SENP2: variants seen among roughly 807,000 people sequenced by gnomAD.
SENP2 encodes the protein sentrin-specific protease 2.
In SENP2, 16 loss-of-function variants were observed where a neutral mutation model predicts 86.3. The ratio of observed to expected loss-of-function variants is 0.19; its 90% CI spans 0.13 to 0.28. The LOEUF (loss-of-function observed/expected upper bound fraction) is 0.28. Ranked by LOEUF, SENP2 falls within the 10% of genes least tolerant of loss-of-function variation. SENP2 has a pLI of 1.00. For missense variants in SENP2, 552 were observed against 703.0 expected, an observed-to-expected ratio of 0.79 and a Z score of 2.43; for synonymous variants, 222 against 238.7, an observed-to-expected ratio of 0.93 and a Z score of 0.64.
In SENP2 at chr3:185,606,480, C is replaced by T; in HGVS notation, c.600C>T (p.Pro200=). 6.2e-7 allele frequency: 1 copy of T among 1,602,684 alleles called. No individual in the cohort carries two copies. Among genetic ancestry groups the T allele is most frequent in the Non-Finnish European group, 8.5e-7 (1 of 1,177,098 alleles). The part of the protein sequence containing the change: ...SEESGKGLRR[P]HCTVEEGVQK... ...AGAGTGGCAAGGGTCTGAGGCGTCCCCATTGTACTGTGGAGGAGGTAAGCC... is the reference window on the plus strand; with the variant it reads ...AGAGTGGCAAGGGTCTGAGGCGTCCTCATTGTACTGTGGAGGAGGTAAGCC... The change falls in exon 6 of 17, where the codon CCC becomes CCT. Residue 200 remains proline (P), a synonymous_variant. Coordinates refer to ENST00000296257, the MANE Select transcript of SENP2 (RefSeq NM_021627.3).
intron 9 of SENP2, 120 bp downstream of exon 9, chr3:185,612,778 T>C (rs1722738093): frequency 1.4e-6 from 1 of 709,622 alleles, no homozygotes. Flanking sequence ...TGGTAGTTGG[T>C]CAGCATATAG....
chr3:185,619,674 T>C (rs537220622), intron 13 of SENP2, among the ~76,000 whole-genome samples, 172 bp downstream of exon 13: 1 of 152,038 alleles, frequency 6.6e-6, no homozygotes, highest in South Asian at 2.1e-4. Context: ...CACCCAACCC[T>C]TTTAGTTCTT....
rs553312982 is a variant in SENP2, at chr3:185,607,042, T to C, written c.618+544T>C. Among the ~76,000 whole-genome samples the C allele has an allele frequency of 1.3e-3, 200 of 151,586 alleles. 1 individual carries two copies. Among genetic ancestry groups the C allele is most frequent in the African/African-American group, 4.8e-3 (198 of 41,408 alleles). ...TGTCACCCATGCTGGAGTGCAGTGGTGCCGTCTTGGCTCACTGCAACCTCT... is the reference window on the plus strand; with the variant it reads ...TGTCACCCATGCTGGAGTGCAGTGGCGCCGTCTTGGCTCACTGCAACCTCT... On this transcript the variant is annotated intron_variant, in intron 6 of 16. Coordinates refer to ENST00000296257, the MANE Select transcript of SENP2 (RefSeq NM_021627.3).
chr3:185,588,206 C>T (rs1234574306), intron 1 of SENP2, among the ~76,000 whole-genome samples: 2 of 151,388 alleles, frequency 1.3e-5, no homozygotes, highest in Admixed American at 6.6e-5. Context: ...TACAGGCGCC[C>T]GCCACCACGC....
At chr3:185,613,323 A>G (rs771052880) in intron 9 of SENP2, 22 bp from the exon 10 acceptor site, 3 of 1,391,610 alleles carry the variant, frequency 2.2e-6, no homozygotes, top group South Asian at 1.2e-5. Flanking sequence ...GAAGTCTATC[A>G]TCTCTCAATT....
chr3:185,603,191 C>T (rs1027346004), intron 5 of SENP2, among the ~76,000 whole-genome samples: 47 of 151,718 alleles, frequency 3.1e-4, no homozygotes, highest in African/African-American at 6.3e-4. Flanking sequence ...GAATTACAGG[C>T]GTGAGCCACC....
chr3:185,610,123 G>A (rs926424423), intron 7 of SENP2, among the ~76,000 whole-genome samples: 1 of 148,572 alleles, frequency 6.7e-6, no homozygotes, highest in Non-Finnish European at 1.5e-5. Context: ...ATAGCAAATC[G>A]AAGATTAAAA....
chr3:185,609,208 A>G (rs762950706), intron 6 of SENP2, 39 bp from the exon 7 acceptor site: 24 of 1,396,830 alleles, frequency 1.7e-5, no homozygotes, highest in South Asian at 7.4e-5. Context: ...TATAAATTTA[A>G]TGTGCTGGTA....
chr3:185,617,633 T>TA, intron 12 of SENP2, 22 bp downstream of exon 12: 1 of 1,602,078 alleles, frequency 6.2e-7, no homozygotes. Flanking sequence ...TCCCTCCCCC[T>TA]TTTGGCTATC....
chr3:185,599,873 G>C (rs556913319), intron 4 of SENP2, among the ~76,000 whole-genome samples: 13 of 149,850 alleles, frequency 8.7e-5, no homozygotes, highest in Admixed American at 7.4e-4. Context: ...GCAATAGGGC[G>C]ATCTCGGCTC....
At position 185,586,362 on chromosome 3, in the gene SENP2, C is replaced by T. The variant is rs1195330990; in HGVS notation, c.-52C>T. On this transcript the variant is annotated 5_prime_UTR_variant, in exon 1 of 17. Coordinates refer to ENST00000296257, the MANE Select transcript of SENP2 (RefSeq NM_021627.3). The surrounding 1 kb of genome is among the most constrained non-coding windows in gnomAD (Gnocchi z 4.3). Reference sequence around the variant, plus strand: ...GAAGGCGGCAGCGGCGGCGACAGCTCTGGGGTTTGCGTCTCGGGGTGTGTC... The same window carrying T: ...GAAGGCGGCAGCGGCGGCGACAGCTTTGGGGTTTGCGTCTCGGGGTGTGTC... 13 of 1,610,940 alleles carry T rather than the reference C, an allele frequency of 8.1e-6. No individual in the cohort carries two copies. Among genetic ancestry groups the T allele is most frequent in the Middle Eastern group, 1.6e-4 (1 of 6,072 alleles).
intron 14 of SENP2, among the ~76,000 whole-genome samples, chr3:185,622,815 TGC>T (rs1314190444): frequency 3.5e-4 from 52 of 146,934 alleles, no homozygotes; most frequent in African/African-American, 1.2e-3. Flanking sequence ...ATTACATTCA[TGC>T]TTTTTTTTTT....
intron 15 of SENP2, among the ~76,000 whole-genome samples, chr3:185,624,557 C>CA (rs1257759497): frequency 6.6e-6 from 1 of 151,470 alleles, no homozygotes; most frequent in Non-Finnish European, 1.5e-5. Context: ...GATCCCATGC[C>CA]AAAAAAAGCA....
intron 2 of SENP2, among the ~76,000 whole-genome samples, chr3:185,595,362 C>T (rs188126593): frequency 2.2e-4 from 34 of 152,320 alleles, no homozygotes; most frequent in African/African-American, 7.7e-4. Flanking sequence ...TGTACTATCC[C>T]TCAGCACTAT....
At chr3:185,610,623 T>C (rs150430108) in intron 7 of SENP2, among the ~76,000 whole-genome samples, 31 of 152,336 alleles carry the variant, frequency 2.0e-4, no homozygotes, top group African/African-American at 6.0e-4. Context: ...CTCTTAACTT[T>C]GTCATGTTGG....
At chr3:185,617,123 TGTAA>T (rs764857552) in intron 11 of SENP2, among the ~76,000 whole-genome samples, 38 of 152,194 alleles carry the variant, frequency 2.5e-4, no homozygotes, top group Admixed American at 8.5e-4. Flanking sequence ...CAGGATTTGT[TGTAA>T]GTATTACTTA....
intron 13 of SENP2, among the ~76,000 whole-genome samples, chr3:185,620,296 T>G (rs2121840): frequency 1.3e-4 from 20 of 151,950 alleles, no homozygotes; most frequent in Non-Finnish European, 2.6e-4. Flanking sequence ...AAGCTAGTCT[T>G]GAGCTCCTGG....
intron 6 of SENP2, 70 bp from the exon 7 acceptor site, chr3:185,609,177 G>A: frequency 1.0e-6 from 1 of 1,002,636 alleles, no homozygotes; most frequent in South Asian, 1.5e-5. Context: ...CACACCTATG[G>A]TTTACATTTG....
intron 2 of SENP2, among the ~76,000 whole-genome samples, chr3:185,597,043 G>A (rs1364932144): frequency 3.3e-5 from 5 of 151,876 alleles, no homozygotes; most frequent in East Asian, 3.9e-4. Flanking sequence ...TTTTAGAGAC[G>A]GGATTTCACC....
Sources: allele counts gnomAD v4.1 joint callset (sites outside exome capture counted in the v4.1 genomes callset), GRCh38; gene constraint gnomAD v4.1.1; non-coding constraint Gnocchi (gnomAD v3.1); transcripts MANE v1.5; gene names NCBI Gene and HGNC (gene_info 2026-07-23, HGNC 2026-07-21).